Variants in HEMK2 observed in about 807,000 individuals in gnomAD.
HEMK2 encodes the protein methyltransferase HEMK2.
chr21:28,862,713 C>T, the HEMK2 span, among the ~76,000 whole-genome samples: 1 of 151,906 alleles, frequency 6.6e-6, no homozygotes, highest in Non-Finnish European at 1.5e-5. Context: ...GAAAGAAGGA[C>T]TGTAATTGTC....
chr21:28,883,152 A>C, the HEMK2 span: 1 of 910,902 alleles, frequency 1.1e-6, no homozygotes, highest in Non-Finnish European at 1.6e-6. Flanking sequence ...TGTTATTTCT[A>C]GCATATATAT....
the HEMK2 span, among the ~76,000 whole-genome samples, chr21:28,628,697 G>A: frequency 6.6e-6 from 1 of 152,152 alleles, no homozygotes; most frequent in East Asian, 1.9e-4. Context: ...CAGGTGATTG[G>A]CCCACCTTGG....
the HEMK2 span, among the ~76,000 whole-genome samples, chr21:28,831,734 G>GGAAAGAAAGAAAGAAAGAAAGAAA: frequency 0.018 from 242 of 13,612 alleles, 17 homozygotes; most frequent in African/African-American, 0.027. Flanking sequence ...AAGGAAGGAA[G>GGAAAGAAAGAAAGAAAGAAAGAAA]GAAAGAAAGA....
At chr21:28,697,246 C>T in the HEMK2 span, among the ~76,000 whole-genome samples, 65 of 152,298 alleles carry the variant, frequency 4.3e-4, no homozygotes, top group African/African-American at 1.1e-3. Flanking sequence ...CTGTTGAATG[C>T]TTTGCTGCTT....
the HEMK2 span, among the ~76,000 whole-genome samples, chr21:28,718,991 C>T: frequency 1.1e-3 from 170 of 152,218 alleles, no homozygotes; most frequent in African/African-American, 3.8e-3. Flanking sequence ...AAAACCTACT[C>T]ATGCCCCACA....
chr21:28,780,029 A>C, the HEMK2 span, among the ~76,000 whole-genome samples: 1 of 152,148 alleles, frequency 6.6e-6, no homozygotes, highest in Non-Finnish European at 1.5e-5. Context: ...CACAAACTGA[A>C]ACCTCCCATA....
the HEMK2 span, among the ~76,000 whole-genome samples, chr21:28,751,445 C>T: frequency 2.6e-5 from 4 of 152,114 alleles, no homozygotes; most frequent in African/African-American, 7.2e-5. Context: ...AGAATTTAAA[C>T]AGAGGAAGAT....
At chr21:28,579,335 T>A in the HEMK2 span, among the ~76,000 whole-genome samples, 2 of 152,326 alleles carry the variant, frequency 1.3e-5, no homozygotes, top group East Asian at 3.9e-4. Flanking sequence ...TGCATATGTA[T>A]TTAAGATATA....
At chr21:28,682,091 A>C in the HEMK2 span, among the ~76,000 whole-genome samples, 5 of 152,136 alleles carry the variant, frequency 3.3e-5, no homozygotes, top group African/African-American at 1.2e-4. Context: ...CAGCAAAAGA[A>C]ACTACCATCA....
At chr21:28,825,370 C>T in the HEMK2 span, among the ~76,000 whole-genome samples, 1 of 152,204 alleles carries the variant, frequency 6.6e-6, no homozygotes, top group Non-Finnish European at 1.5e-5. Context: ...AGAACCACTG[C>T]TCTAGGTGCT....
the HEMK2 span, among the ~76,000 whole-genome samples, chr21:28,604,668 T>G: frequency 6.6e-6 from 1 of 152,236 alleles, no homozygotes; most frequent in Non-Finnish European, 1.5e-5. Context: ...TAAGTTGTAA[T>G]GACTTAACCT....
At chr21:28,655,701 T>C in the HEMK2 span, among the ~76,000 whole-genome samples, 2 of 152,042 alleles carry the variant, frequency 1.3e-5, no homozygotes, top group Non-Finnish European at 2.9e-5. Context: ...GAATTAAAGA[T>C]CTGAGCATCT....
the HEMK2 span, among the ~76,000 whole-genome samples, chr21:28,777,784 T>G: frequency 6.6e-6 from 1 of 152,192 alleles, no homozygotes; most frequent in Non-Finnish European, 1.5e-5. Flanking sequence ...ATTTCAGAGA[T>G]ATCTTCAAAG....
At chr21:28,716,102 A>G in the HEMK2 span, among the ~76,000 whole-genome samples, 1 of 146,734 alleles carries the variant, frequency 6.8e-6, no homozygotes, top group African/African-American at 2.6e-5. Context: ...TCGTTTGCTT[A>G]GGATTTCTTT....
At chr21:28,660,811 A>G in the HEMK2 span, among the ~76,000 whole-genome samples, 2 of 152,056 alleles carry the variant, frequency 1.3e-5, no homozygotes, top group East Asian at 1.9e-4. Flanking sequence ...TTTGTAAATG[A>G]TGGCCATTAA....
chr21:28,876,438 A>T, the HEMK2 span: 3 of 1,612,616 alleles, frequency 1.9e-6, no homozygotes, highest in Non-Finnish European at 2.5e-6. Flanking sequence ...GCTTGTCTGG[A>T]AAGTGCAGTG....
chr21:28,722,209 G>A, the HEMK2 span, among the ~76,000 whole-genome samples: 2 of 151,562 alleles, frequency 1.3e-5, no homozygotes, highest in Non-Finnish European at 2.9e-5. Context: ...CGATTTTACT[G>A]GTTAAAAAAA....
At chr21:28,701,464 G>A in the HEMK2 span, among the ~76,000 whole-genome samples, 2 of 151,008 alleles carry the variant, frequency 1.3e-5, no homozygotes, top group East Asian at 2.0e-4. Context: ...CAAAATTAAT[G>A]TACAAAAATC....
chr21:28,679,152 C>T, the HEMK2 span, among the ~76,000 whole-genome samples: 2 of 152,114 alleles, frequency 1.3e-5, no homozygotes, highest in African/African-American at 4.8e-5. Flanking sequence ...GGAAACCCAT[C>T]TCACATGCAG....
Sources: gnomAD v4.1 joint callset for allele counts (sites outside exome capture counted in the v4.1 genomes callset) on GRCh38, gnomAD v4.1.1 for gene constraint, MANE v1.5 for transcripts, NCBI Gene and HGNC (gene_info 2026-07-23, HGNC 2026-07-21) for gene names.